Variants in ASS1 observed in about 807,000 individuals in gnomAD.
The protein encoded by ASS1 is argininosuccinate synthase.
Under a neutral mutation model 60.5 loss-of-function variants are expected in ASS1, and 58 were observed. The observed-to-expected ratio is 0.96, with a 90% CI of 0.78 to 1.19. The LOEUF is 1.19. Ranked by LOEUF, ASS1 falls within the 50% of genes most tolerant of loss-of-function variation. ASS1 has a pLI of 0.00. For missense variants in ASS1, 454 were observed against 547.3 expected (o/e 0.83, Z 1.70); for synonymous variants, 200 against 206.9 (o/e 0.97, Z 0.29).
intron 10 of ASS1, 47 bp downstream of exon 10, chr9:130,479,847 G>A: frequency 1.3e-6 from 2 of 1,569,174 alleles, no homozygotes; most frequent in East Asian, 2.2e-5. Context: ...CGCCGTCTCG[G>A]GCGAGCACGA....
intron 1 of ASS1, among the ~76,000 whole-genome samples, chr9:130,450,930 A>C (rs1205007419): frequency 6.6e-6 from 1 of 152,174 alleles, no homozygotes; most frequent in Non-Finnish European, 1.5e-5. Flanking sequence ...TGCCCTGTAC[A>C]TTTGGGAAAT....
chr9:130,483,284 C>T (rs544989886), intron 11 of ASS1, among the ~76,000 whole-genome samples: 51 of 136,774 alleles, frequency 3.7e-4, no homozygotes, highest in African/African-American at 1.3e-3. Flanking sequence ...ACAAGGGGAA[C>T]ATGTCATTTG....
chr9:130,463,978 T>C, intron 4 of ASS1, 133 bp from the exon 5 acceptor site: 1 of 911,766 alleles, frequency 1.1e-6, no homozygotes. Flanking sequence ...CGACCTACAC[T>C]GCATGACCTC....
intron 8 of ASS1, among the ~76,000 whole-genome samples, chr9:130,472,069 G>T (rs976199185): frequency 3.3e-5 from 5 of 152,188 alleles, no homozygotes; most frequent in African/African-American, 1.2e-4. Flanking sequence ...GGGGTAGGGG[G>T]CTTCTTTGTG....
At chr9:130,445,646 C>A (rs1342181506) in intron 1 of ASS1, among the ~76,000 whole-genome samples, 2 of 152,164 alleles carry the variant, frequency 1.3e-5, no homozygotes, top group Non-Finnish European at 2.9e-5. Flanking sequence ...GTGGGAGGGG[C>A]AGTGCCAGGA....
chr9:130,488,245 T>C lies in ASS1; in HGVS notation c.839-1088T>C, dbSNP rs1054558311. Among the ~76,000 whole-genome samples, 1 of 151,900 alleles carries C rather than the reference T, an allele frequency of 6.6e-6. No homozygotes were observed. The highest frequency in any genetic ancestry group is 6.6e-5 in the Admixed American group (1 of 15,252). On this transcript the variant is annotated intron_variant, in intron 11 of 14. Transcript: ENST00000352480. The surrounding 1 kb of genome is among the most constrained non-coding windows in gnomAD (Gnocchi z 5.2). The stretch of plus-strand genomic sequence containing the variant: ...AGCAGCCACTGTAGAAAGATGTTAG[T>C]AAATTCCCAGGATAACTGAGAACCT...
rs879125098 is a variant in ASS1 at position 130,494,865 on chromosome 9, A to G, written c.971-2A>G. 1.9e-6 allele frequency: 3 copies of G among 1,613,248 alleles called. No individual in the cohort carries two copies. The highest frequency in any genetic ancestry group is 1.7e-5 in the Admixed American group (1 of 60,006). On this transcript the variant is annotated splice_acceptor_variant, in intron 12 of 14. Coordinates refer to ENST00000352480, the MANE Select transcript of ASS1 (RefSeq NM_054012.4). LOFTEE classifies it high-confidence loss of function. The surrounding 1 kb of genome is among the most constrained non-coding windows in gnomAD (Gnocchi z 4.3). The stretch of plus-strand genomic sequence containing the variant: ...AGTGGTATCCTGTTTTCCTCCCTGT[A>G]GGTTTCTGGCACAGCCCTGAGTGTG...
At chr9:130,485,839 G>C (rs1846295505) in intron 11 of ASS1, among the ~76,000 whole-genome samples, 1 of 152,128 alleles carries the variant, frequency 6.6e-6, no homozygotes. Flanking sequence ...TTGAAAATTT[G>C]CTCCTCGAAC....
intron 5 of ASS1, chr9:130,466,365 G>GGGTCA: frequency 2.8e-6 from 1 of 361,810 alleles, no homozygotes; most frequent in Non-Finnish European, 5.3e-6. Flanking sequence ...GACTCTCCCT[G>GGGTCA]GGTCACGGCA....
chr9:130,480,584 C>T (rs1472026424), intron 11 of ASS1, 135 bp downstream of exon 11: 2 of 895,568 alleles, frequency 2.2e-6, no homozygotes, highest in Non-Finnish European at 3.5e-6. Flanking sequence ...TCACCACACC[C>T]CGTGAGACCG....
intron 1 of ASS1, chr9:130,451,790 G>T (rs745403733): frequency 2.2e-6 from 1 of 457,206 alleles, no homozygotes; most frequent in Non-Finnish European, 4.4e-6. Flanking sequence ...GGCCCTGCCT[G>T]GTGCTTGGCA....
At chr9:130,493,592 T>C (rs1239459280) in intron 12 of ASS1, among the ~76,000 whole-genome samples, 1 of 152,160 alleles carries the variant, frequency 6.6e-6, no homozygotes, top group Non-Finnish European at 1.5e-5. Flanking sequence ...CCCAGGGGCC[T>C]GGGCCTCCCA....
chr9:130,491,385 A>G lies in ASS1; in HGVS notation c.970+1921A>G, dbSNP rs921067250. On this transcript the variant is annotated intron_variant, in intron 12 of 14. Coordinates refer to ENST00000352480, the MANE Select transcript of ASS1 (RefSeq NM_054012.4). The surrounding 1 kb of genome is among the most constrained non-coding windows in gnomAD (Gnocchi z 5.3). ...GTGGCCGCGGCCACGGCTGCCACTT[A>G]TCCTGCCATCTTGCTGCTAGGCTCT... is the stretch of plus-strand genomic sequence containing the variant. Among the ~76,000 whole-genome samples the G allele has an allele frequency of 6.6e-6, 1 of 152,058 alleles. No homozygotes were observed. The highest frequency in any genetic ancestry group is 1.5e-5 in the Non-Finnish European group (1 of 67,990).
At chr9:130,451,861 A>G in intron 1 of ASS1, 1 of 481,892 alleles carries the variant, frequency 2.1e-6, no homozygotes. Context: ...GGCCCCTCCC[A>G]CATCTCCTGC....
At position 130,477,538 on chromosome 9, in the gene ASS1, G is replaced by A. The variant is rs528963574; in HGVS notation, c.688+577G>A. On this transcript the variant is annotated intron_variant, in intron 9 of 14. Coordinates refer to ENST00000352480, the MANE Select transcript of ASS1 (RefSeq NM_054012.4). The surrounding 1 kb of genome is among the most constrained non-coding windows in gnomAD (Gnocchi z 4.2). The stretch of plus-strand genomic sequence containing the variant: ...CTCGGCAGTGGAGGCTGTCCTGATC[G>A]CTCCCTCCTTCTCACTGCTGTCAAC... Among the ~76,000 whole-genome samples the A allele has an allele frequency of 1.3e-5, 2 of 152,332 alleles. No individual in the cohort carries two copies. Among genetic ancestry groups the A allele is most frequent in the Admixed American group, 6.5e-5 (1 of 15,302 alleles).
Position 130,489,226 on chromosome 9 carries a change from A to G in ASS1, c.839-107A>G, listed in dbSNP as rs562535150. 2.6e-5 allele frequency: 39 copies of G among 1,478,786 alleles called. No individual in the cohort carries two copies. Among genetic ancestry groups the G allele is most frequent in the South Asian group, 2.0e-4 (17 of 84,984 alleles). The allele number at this position is 1,478,786 out of a possible 1,614,324, so 91.6% of individuals were successfully genotyped here. A position where few individuals can be genotyped will look rare whatever the true frequency, so the allele number is the denominator to read the frequency against. On this transcript the variant is annotated intron_variant, in intron 11 of 14. Transcript: ENST00000352480. The surrounding 1 kb of genome is among the most constrained non-coding windows in gnomAD (Gnocchi z 4.1). ...GTCCGGCCGGCTTGTCTCCTGTCAG[A>G]CGACTCATTATTATTATTATTTTTT...
intron 11 of ASS1, among the ~76,000 whole-genome samples, chr9:130,485,205 G>A (rs1424258946): frequency 6.6e-6 from 1 of 152,214 alleles, no homozygotes; most frequent in Non-Finnish European, 1.5e-5. Flanking sequence ...GATGGGAGGC[G>A]ATGCTGTGGC....
intron 8 of ASS1, 116 bp downstream of exon 8, chr9:130,471,631 G>A: frequency 7.7e-7 from 1 of 1,302,690 alleles, no homozygotes. Context: ...GGCCAGCCGT[G>A]GGGCTGGGGC....
rs762279472 is a variant in ASS1, at chr9:130,452,292, G to C, written c.64G>C (p.Val22Leu). The C allele has an allele frequency of 6.2e-7, 1 of 1,614,150 alleles. No homozygotes were observed. The change falls in exon 2 of 15, where the codon GTG (valine) becomes CTG (leucine). Residue 22 changes from valine to leucine, a missense_variant. Coordinates refer to ENST00000352480, the MANE Select transcript of ASS1 (RefSeq NM_054012.4). ...CGGCCTGGACACCTCGTGCATCCTC[G>C]TGTGGCTGAAGGAACAAGGCTATGA... ...SGGLDTSCIL[V>L]WLKEQGYDVI...
Sources: allele counts gnomAD v4.1 joint callset (sites outside exome capture counted in the v4.1 genomes callset), GRCh38; gene constraint gnomAD v4.1.1; non-coding constraint Gnocchi (gnomAD v3.1); transcripts MANE v1.5; gene names NCBI Gene and HGNC (gene_info 2026-07-23, HGNC 2026-07-21).